Variants in ZNF7 observed in about 807,000 individuals in gnomAD.
ZNF7 encodes zinc finger protein 7, also known as C2-H2 type zinc finger protein.
In ZNF7, 10 loss-of-function variants were observed where a neutral mutation model predicts 12.0. That is an observed-to-expected ratio of 0.83 (90% CI 0.51 to 1.42). The LOEUF (loss-of-function observed/expected upper bound fraction) is 1.42, where lower values mean the gene tolerates loss of function less well. Ranked by LOEUF, ZNF7 falls within the 40% of genes most tolerant of loss-of-function variation. The pLI, the probability that ZNF7 is intolerant of heterozygous loss-of-function variation, is 0.00. For synonymous variants in ZNF7, 334 were observed against 295.0 expected, an observed-to-expected ratio of 1.13 and a Z score of -1.35; for missense variants, 854 against 837.2, an observed-to-expected ratio of 1.02 and a Z score of -0.25.
chr8:144,828,416 C>T (rs1361097704), intron 1 of ZNF7, among the ~76,000 whole-genome samples: 4 of 151,990 alleles, frequency 2.6e-5, no homozygotes, highest in Non-Finnish European at 4.4e-5. Flanking sequence ...ATTTTTGCTC[C>T]TGCCTTCTCC....
At chr8:144,840,423 G>A (rs1563837769) in intron 4 of ZNF7, among the ~76,000 whole-genome samples, 1 of 152,248 alleles carries the variant, frequency 6.6e-6, no homozygotes, top group Non-Finnish European at 1.5e-5. Flanking sequence ...TTCATGTGGG[G>A]TAGACTCGGG....
At chr8:144,828,896 C>G in intron 1 of ZNF7, 147 bp from the exon 2 acceptor site, 1 of 982,432 alleles carries the variant, frequency 1.0e-6, no homozygotes, top group South Asian at 1.6e-5. Context: ...CACTCAAGTG[C>G]CATGGCTGCT....
chr8:144,829,666 C>G, intron 3 of ZNF7, 62 bp downstream of exon 3: 1 of 1,549,214 alleles, frequency 6.5e-7, no homozygotes, highest in Non-Finnish European at 8.7e-7. Flanking sequence ...CCAGCCAGGC[C>G]TCCATCAGAG....
intron 4 of ZNF7, among the ~76,000 whole-genome samples, chr8:144,839,171 G>T (rs1485107514): frequency 2.8e-5 from 4 of 141,288 alleles, no homozygotes; most frequent in African/African-American, 7.9e-5. Flanking sequence ...ATTCATATGC[G>T]CCTAGGGGCT....
intron 3 of ZNF7, among the ~76,000 whole-genome samples, chr8:144,830,249 C>T (rs1006641655): frequency 1.3e-5 from 2 of 152,214 alleles, no homozygotes; most frequent in East Asian, 1.9e-4. Context: ...ACGCGGGCAT[C>T]GTTGGTTGGC....
In ZNF7 at chr8:144,842,584, G is replaced by T; in HGVS notation, c.1477G>T (p.Gly493Ter). ...HLIQHQRIHT[G>*]EKPYVCNDCG... is the part of the protein sequence containing the mutation. The stretch of plus-strand genomic sequence containing the variant: ...TATTCAGCATCAGCGAATCCACACT[G>T]GAGAGAAACCCTATGTGTGTAATGA... The change falls in exon 5 of 5, where the codon GGA becomes TGA. Residue 493 changes from glycine to a stop codon, truncating the protein, a stop_gained. Transcript: ENST00000532777. LOFTEE classifies it low-confidence loss of function (END_TRUNC). The T allele has an allele frequency of 6.2e-7, 1 of 1,614,216 alleles. No homozygotes were observed.
intron 4 of ZNF7, 39 bp from the exon 5 acceptor site, chr8:144,841,316 A>G (rs1312586904): frequency 6.4e-7 from 1 of 1,554,256 alleles, no homozygotes; most frequent in East Asian, 2.3e-5. Flanking sequence ...TTCTCTGAGC[A>G]CAGGGCCTAA....
chr8:144,834,429 T>C (rs911673349), intron 3 of ZNF7: 2 of 152,232 alleles, frequency 1.3e-5, no homozygotes, highest in African/African-American at 2.4e-5. Flanking sequence ...TGTGGGCATG[T>C]TGTGTTCCTG....
chr8:144,844,729 A>C (rs941588723), downstream of ZNF7, among the ~76,000 whole-genome samples: 87 of 119,134 alleles, frequency 7.3e-4, 3 homozygotes, highest in Non-Finnish European at 1.6e-4. Context: ...AAAAAAAAAA[A>C]AAAAAAACGA....
At chr8:144,828,958 A>G (rs768308394) in intron 1 of ZNF7, 85 bp from the exon 2 acceptor site, 17 of 1,518,498 alleles carry the variant, frequency 1.1e-5, no homozygotes, top group Non-Finnish European at 1.5e-5. Flanking sequence ...GAGGTAAAGG[A>G]GCAGAGAGCA....
rs746849807 is a variant in ZNF7 at position 144,843,025 on chromosome 8, G to A, written c.1918G>A (p.Glu640Lys). The change falls in exon 5 of 5, where the codon GAG becomes AAG. Residue 640 changes from glutamate (E) to lysine (K), a missense_variant. Physicochemically the swap from Glu to Lys is moderately conservative, Grantham distance 56. Transcript: ENST00000532777. ...GAAACTGCATCAGTGTGAAGACTGT[G>A]AGAAGATATTTAGGTGGCGTTCACA... ...IKKLHQCEDC[E>K]KIFRWRSHLI... The A allele has an allele frequency of 1.2e-5, 20 of 1,614,072 alleles. No homozygotes were observed. In the East Asian group the frequency reaches 4.5e-4, roughly 36 times the overall value.
rs189494695 is a variant in ZNF7 at position 144,827,589 on chromosome 8, C to T, written c.-66C>T. The T allele has an allele frequency of 1.0e-4, 103 of 985,838 alleles. No individual in the cohort carries two copies. In the African/African-American group the frequency reaches 1.4e-3, roughly 14 times the overall value. 61.1% of individuals were successfully genotyped at this position (985,838 alleles called of 1,614,324 possible). On this transcript the variant is annotated 5_prime_UTR_variant, in exon 1 of 5. Transcript: ENST00000532777. Reference sequence around the variant, plus strand: ...CCGGCGGCGTCGCGCGTTTGCGAGCCTCGGGTGGTCCTCAGGGAGGGTGAG... The same window carrying T: ...CCGGCGGCGTCGCGCGTTTGCGAGCTTCGGGTGGTCCTCAGGGAGGGTGAG...
rs945243064 is a variant in ZNF7, at chr8:144,827,609, G to A, written c.-46G>A. On this transcript the variant is annotated splice_region_variant and 5_prime_UTR_variant, in exon 1 of 5. Transcript: ENST00000532777. The stretch of plus-strand genomic sequence containing the variant: ...CGAGCCTCGGGTGGTCCTCAGGGAG[G>A]GTGAGTCGGCGCGGCGGGCGCGGAC... The A allele has an allele frequency of 1.5e-5, 15 of 985,420 alleles. No individual in the cohort carries two copies. Among genetic ancestry groups the A allele is most frequent in the Non-Finnish European group, 1.8e-5 (15 of 830,030 alleles). 61.0% of individuals were successfully genotyped at this position (985,420 alleles called of 1,614,324 possible). A position where few individuals can be genotyped will look rare whatever the true frequency, so the allele number is the denominator to read the frequency against.
chr8:144,843,861 G>C (rs1019597216), downstream of ZNF7: 2 of 152,178 alleles, frequency 1.3e-5, no homozygotes, highest in African/African-American at 4.8e-5. Flanking sequence ...AAATGCATTA[G>C]CTCATGTTGG....
downstream of ZNF7, among the ~76,000 whole-genome samples, chr8:144,844,481 T>C (rs1185186534): frequency 6.6e-6 from 1 of 150,992 alleles, no homozygotes; most frequent in Non-Finnish European, 1.5e-5. Flanking sequence ...GAGGTCGAGG[T>C]GGGTGGATCA....
downstream of ZNF7, chr8:144,846,165 TATGG>T (rs1830502534): frequency 6.5e-7 from 1 of 1,535,994 alleles, no homozygotes; most frequent in Admixed American, 2.0e-5. Context: ...ACGTCAGCCA[TATGG>T]ATGGTCTGAA....
At chr8:144,834,402 A>G (rs1828767635) in intron 3 of ZNF7, 1 of 152,312 alleles carries the variant, frequency 6.6e-6, no homozygotes, top group Non-Finnish European at 1.5e-5. Flanking sequence ...TGGCCAGCAC[A>G]GTGTTAAACA....
chr8:144,829,460 T>C lies in ZNF7; in HGVS notation c.4-18T>C, dbSNP rs1485569025. 1 of 1,613,872 alleles carries C rather than the reference T, an allele frequency of 6.2e-7. No homozygotes were observed. Among genetic ancestry groups the C allele is most frequent in the South Asian group, 1.1e-5 (1 of 91,064 alleles). Reference sequence around the variant, plus strand: ...TGGCACCCAGGGATTCCTGGGGTGCTGGTGTGTGTCCTTTCAGGAGGTGGT... The same window carrying C: ...TGGCACCCAGGGATTCCTGGGGTGCCGGTGTGTGTCCTTTCAGGAGGTGGT... On this transcript the variant is annotated intron_variant, in intron 2 of 4. Coordinates refer to ENST00000532777, the MANE Select transcript of ZNF7 (RefSeq NM_003416.4).
Position 144,841,879 on chromosome 8 carries a change from G to T in ZNF7, c.772G>T (p.Val258Phe). ...KPYECAECGKVFRLCSQLNQH... is the reference protein window; with the variant it reads ...KPYECAECGKFFRLCSQLNQH... ...GTACGAATGTGCAGAGTGTGGGAAA[G>T]TCTTCAGGCTCTGCTCGCAGCTTAA... The change falls in exon 5 of 5, where the codon GTC (valine) becomes TTC (phenylalanine). Residue 258 changes from valine to phenylalanine, a missense_variant. Val to Phe is a conservative substitution (Grantham distance 50). Transcript: ENST00000532777. 1.2e-6 allele frequency: 2 copies of T among 1,614,176 alleles called. No homozygotes were observed. The highest frequency in any genetic ancestry group is 1.7e-6 in the Non-Finnish European group (2 of 1,180,004).
Sources: gnomAD v4.1 joint callset for allele counts (sites outside exome capture counted in the v4.1 genomes callset) on GRCh38, gnomAD v4.1.1 for gene constraint, MANE v1.5 for transcripts, NCBI Gene and HGNC (gene_info 2026-07-23, HGNC 2026-07-21) for gene names.